The following RIC1 variants were observed in gnomAD, a reference collection of about 807,000 sequenced individuals.
RIC1 encodes guanine nucleotide exchange factor subunit RIC1.
In RIC1, 88 loss-of-function variants were observed where a neutral mutation model predicts 169.0. That is an observed-to-expected ratio of 0.52 (90% CI 0.44 to 0.62). The LOEUF (loss-of-function observed/expected upper bound fraction) is 0.62, where lower values mean the gene tolerates loss of function less well. Among genes scored for constraint, RIC1 ranks in the 20% least tolerant of loss-of-function variants. RIC1 has a pLI of 0.00. For missense variants in RIC1, 1,877 were observed against 1,725.5 expected (o/e 1.09, Z -1.56); for synonymous variants, 790 against 601.5 (o/e 1.31, Z -4.59).
intron 1 of RIC1, among the ~76,000 whole-genome samples, chr9:5,648,623 A>G (rs1757618032): frequency 6.6e-6 from 1 of 152,132 alleles, no homozygotes; most frequent in South Asian, 2.1e-4. Context: ...TGGCTGTACT[A>G]ATTTATATTT....
rs73387602 is a variant in RIC1 at position 5,743,289 on chromosome 9, T to G, written c.1046+276T>G. Among the ~76,000 whole-genome samples the G allele has an allele frequency of 3.1e-3, 474 of 152,224 alleles. 2 individuals are homozygous for G. The highest frequency in any genetic ancestry group is 0.011 in the African/African-American group (450 of 41,560). On this transcript the variant is annotated intron_variant, in intron 9 of 25. Transcript: ENST00000414202. ...AAGCAGAATCAGGCATGGTTCTGCT[T>G]TTAGGTAGTTTATAATCTAATGAGG...
At chr9:5,630,812 C>T (rs1015262741) in intron 1 of RIC1, among the ~76,000 whole-genome samples, 1 of 151,864 alleles carries the variant, frequency 6.6e-6, no homozygotes, top group African/African-American at 2.4e-5. Flanking sequence ...TCATCTGGTT[C>T]CTAAATGAGA....
chr9:5,704,283 T>C (rs1822421196), intron 3 of RIC1, among the ~76,000 whole-genome samples: 1 of 151,922 alleles, frequency 6.6e-6, no homozygotes, highest in Non-Finnish European at 1.5e-5. Flanking sequence ...CAATCATAGC[T>C]CACTGCATCC....
At chr9:5,683,808 C>T (rs369052989) in intron 2 of RIC1, among the ~76,000 whole-genome samples, 29 of 152,332 alleles carry the variant, frequency 1.9e-4, no homozygotes, top group South Asian at 1.2e-3. Flanking sequence ...TTCAACTTCC[C>T]GGCTGCTTTG....
At chr9:5,646,678 A>C (rs1215987303) in intron 1 of RIC1, among the ~76,000 whole-genome samples, 2 of 152,162 alleles carry the variant, frequency 1.3e-5, no homozygotes, top group Non-Finnish European at 2.9e-5. Flanking sequence ...CATGATGACA[A>C]AATTGCCTAG....
In RIC1 at chr9:5,774,504, G is replaced by C. The variant is rs1300588906; in HGVS notation, c.*258G>C. Reference sequence around the variant, plus strand: ...GTACAGATGTACATGAGAATATTTTGGTTTTACTCAAAGGTTGGTAGCTCT... The same window carrying C: ...GTACAGATGTACATGAGAATATTTTCGTTTTACTCAAAGGTTGGTAGCTCT... On this transcript the variant is annotated 3_prime_UTR_variant, in exon 26 of 26. Transcript: ENST00000414202. 3.4e-6 allele frequency: 1 copy of C among 294,264 alleles called. No individual in the cohort carries two copies. Among genetic ancestry groups the C allele is most frequent in the Non-Finnish European group, 6.2e-6 (1 of 160,858 alleles). The allele number at this position is 294,264 out of a possible 1,614,324, so 18.2% of individuals were successfully genotyped here. A position where few individuals can be genotyped will look rare whatever the true frequency, so the allele number is the denominator to read the frequency against.
intron 2 of RIC1, among the ~76,000 whole-genome samples, chr9:5,663,115 A>G (rs1357002387): frequency 6.6e-6 from 1 of 152,156 alleles, no homozygotes; most frequent in African/African-American, 2.4e-5. Flanking sequence ...CAGGCTGTTC[A>G]ATTTCCATGT....
intron 10 of RIC1, 108 bp downstream of exon 10, chr9:5,743,845 C>A: frequency 1.2e-6 from 1 of 805,490 alleles, no homozygotes; most frequent in Non-Finnish European, 2.0e-6. Flanking sequence ...GGGTCTTACA[C>A]TGTCACCCAG....
chr9:5,677,851 A>G (rs1318897067), intron 2 of RIC1, among the ~76,000 whole-genome samples: 1 of 151,430 alleles, frequency 6.6e-6, no homozygotes, highest in Non-Finnish European at 1.5e-5. Flanking sequence ...TTTTTTTTTA[A>G]ATTTTATTAT....
At chr9:5,734,553 T>A (rs1356621167) in intron 7 of RIC1, among the ~76,000 whole-genome samples, 1 of 152,208 alleles carries the variant, frequency 6.6e-6, no homozygotes, top group Non-Finnish European at 1.5e-5. Flanking sequence ...TTATTTCACA[T>A]TGTGAAACAA....
intron 17 of RIC1, among the ~76,000 whole-genome samples, chr9:5,758,583 G>A (rs1826143897): frequency 6.6e-6 from 1 of 152,070 alleles, no homozygotes; most frequent in Non-Finnish European, 1.5e-5. Context: ...TAAAATATCT[G>A]CAGACAGTTA....
chr9:5,639,200 C>T lies in RIC1; in HGVS notation c.144+9747C>T, dbSNP rs142158029. Reference sequence around the variant, plus strand: ...GGATTCAGGCATGAGCCACTATACCCGGCCATTTTTCTTCTTTTATGGTGT... The same window carrying T: ...GGATTCAGGCATGAGCCACTATACCTGGCCATTTTTCTTCTTTTATGGTGT... On this transcript the variant is annotated intron_variant, in intron 1 of 25. Coordinates refer to ENST00000414202, the MANE Select transcript of RIC1 (RefSeq NM_020829.4). 6.3e-4 allele frequency among the ~76,000 whole-genome samples: 96 copies of T among 152,270 alleles called. 1 individual carries two copies. The highest frequency in any genetic ancestry group is 1.9e-3 in the African/African-American group (77 of 41,552).
At chr9:5,762,064 C>G (rs915298452) in intron 17 of RIC1, among the ~76,000 whole-genome samples, 4 of 152,162 alleles carry the variant, frequency 2.6e-5, no homozygotes, top group African/African-American at 7.2e-5. Context: ...TACCATCCAG[C>G]TTTGTTCTCA....
chr9:5,778,415 G>T (rs1827693221), downstream of RIC1, among the ~76,000 whole-genome samples: 1 of 152,144 alleles, frequency 6.6e-6, no homozygotes, highest in South Asian at 2.1e-4. Context: ...CCTGGCTAGA[G>T]CCACTAGTAC....
At position 5,774,471 on chromosome 9, in the gene RIC1, T is replaced by A; in HGVS notation, c.*225T>A. On this transcript the variant is annotated 3_prime_UTR_variant, in exon 26 of 26. Transcript: ENST00000414202. ...AAAAATTTTAAGCTGCAGTGAAAAG[T>A]AAATATTGTACAGATGTACATGAGA... 2.4e-6 allele frequency: 1 copy of A among 424,268 alleles called. No individual in the cohort carries two copies. Among genetic ancestry groups the A allele is most frequent in the East Asian group, 3.6e-5 (1 of 28,124 alleles). 26.3% of individuals were successfully genotyped at this position (424,268 alleles called of 1,614,324 possible).
chr9:5,685,920 A>C (rs1399725315), intron 2 of RIC1, among the ~76,000 whole-genome samples: 1 of 150,420 alleles, frequency 6.6e-6, no homozygotes, highest in Non-Finnish European at 1.5e-5. Context: ...GAACTCAAAC[A>C]AATTTACAAG....
chr9:5,721,500 C>A (rs1314159132), intron 6 of RIC1, among the ~76,000 whole-genome samples: 1 of 152,210 alleles, frequency 6.6e-6, no homozygotes, highest in Non-Finnish European at 1.5e-5. Context: ...CTGAACAAGG[C>A]GTGAACTTAA....
In RIC1 at chr9:5,775,306, T is replaced by A. The variant is rs551741243; in HGVS notation, c.*1060T>A. On this transcript the variant is annotated 3_prime_UTR_variant, in exon 26 of 26. Transcript: ENST00000414202. ...TAGTGTGTAAAGAATGCATTCTTCA[T>A]TGTAAACTTAAAGTATTTTATGTAC... 9 of 152,336 alleles carry A rather than the reference T, an allele frequency of 5.9e-5. No homozygotes were observed. The South Asian group carries it at 1.7e-3, about 28-fold the overall frequency. 9.4% of individuals were successfully genotyped at this position (152,336 alleles called of 1,614,324 possible).
Position 5,688,255 on chromosome 9 carries a change from C to T in RIC1, c.253-1704C>T, listed in dbSNP as rs975245651. ...CCTGGACTCTTCAGCTTCTTCTCAA[C>T]TCTGGAAGTCTGCCAGGCTTTGTCT... On this transcript the variant is annotated intron_variant, in intron 2 of 25. Transcript: ENST00000414202. 3.3e-5 allele frequency among the ~76,000 whole-genome samples: 5 copies of T among 152,202 alleles called. No individual in the cohort carries two copies. The South Asian group carries it at 1.0e-3, about 31-fold the overall frequency.
Sources: gnomAD v4.1 joint callset for allele counts (sites outside exome capture counted in the v4.1 genomes callset) on GRCh38, gnomAD v4.1.1 for gene constraint, MANE v1.5 for transcripts, NCBI Gene and HGNC (gene_info 2026-07-23, HGNC 2026-07-21) for gene names.